UNC13C: variants seen among roughly 807,000 people sequenced by gnomAD.
The protein encoded by UNC13C is protein unc-13 homolog C.
A neutral mutation model predicts 245.4 loss-of-function variants in UNC13C; 174 were observed. The observed-to-expected ratio is 0.71, with a 90% CI of 0.63 to 0.80. The LOEUF is 0.80. UNC13C is among the 30% of genes least tolerant of loss of function. The probability of loss-of-function intolerance (pLI) is 0.00; values close to 1 mark genes in which losing one functional copy is unlikely to be tolerated. For synonymous variants in UNC13C, 992 were observed against 895.1 expected (o/e 1.11, Z -1.93); for missense variants, 2,829 against 2,602.9 (o/e 1.09, Z -1.89).
At chr15:54,563,087 A>G (rs1897363296) in intron 29 of UNC13C, among the ~76,000 whole-genome samples, 1 of 152,058 alleles carries the variant, frequency 6.6e-6, no homozygotes, top group Non-Finnish European at 1.5e-5. Flanking sequence ...TGTGGTAAAC[A>G]TGAATATTGA....
At chr15:54,261,526 GT>G (rs67805512) in intron 8 of UNC13C, among the ~76,000 whole-genome samples, 1,651 of 81,370 alleles carry the variant, frequency 0.02, 21 homozygotes, top group African/African-American at 0.15. Context: ...TTGTTTGTTT[GT>G]TTTGTTTTGT....
Position 53,978,686 on chromosome 15 carries a change from C to T in UNC13C, c.-498C>T, listed in dbSNP as rs1249161709. On this transcript the variant is annotated 5_prime_UTR_variant, in exon 1 of 33. Coordinates refer to ENST00000260323, the MANE Select transcript of UNC13C (RefSeq NM_001080534.3). ...TTGCTTCGGAGGCTACCCGGGAGTG[C>T]GATAGAATTGACAAGAAAAGAACAG... 1.3e-5 allele frequency among the ~76,000 whole-genome samples: 2 copies of T among 152,026 alleles called. No homozygotes were observed. The highest frequency in any genetic ancestry group is 2.9e-5 in the Non-Finnish European group (2 of 68,004).
chr15:54,419,427 A>C (rs1170376596), intron 19 of UNC13C, among the ~76,000 whole-genome samples: 1 of 152,294 alleles, frequency 6.6e-6, no homozygotes, highest in Non-Finnish European at 1.5e-5. Flanking sequence ...TCAATGGCTA[A>C]TAACTTCAAT....
chr15:54,065,133 C>T (rs1204383163), intron 2 of UNC13C, among the ~76,000 whole-genome samples: 1 of 152,158 alleles, frequency 6.6e-6, no homozygotes, highest in African/African-American at 2.4e-5. Flanking sequence ...AATGATCTGA[C>T]TACGCAGGAG....
chr15:53,925,305 A>G, the UNC13C span, among the ~76,000 whole-genome samples: 1 of 152,196 alleles, frequency 6.6e-6, no homozygotes, highest in African/African-American at 2.4e-5. Context: ...ATAAAATTTA[A>G]ATGCTATAGT....
At chr15:54,297,582 A>G (rs577756293) in intron 11 of UNC13C, among the ~76,000 whole-genome samples, 1 of 152,252 alleles carries the variant, frequency 6.6e-6, no homozygotes, top group African/African-American at 2.4e-5. Context: ...TCAAACTCCT[A>G]GCATTAAGTG....
intron 2 of UNC13C, among the ~76,000 whole-genome samples, chr15:54,098,243 T>G (rs1277302940): frequency 6.6e-6 from 1 of 152,158 alleles, no homozygotes; most frequent in African/African-American, 2.4e-5. Context: ...GTGGTGATGT[T>G]GGCTCACTGC....
At chr15:54,582,894 T>C (rs1303158304) in intron 30 of UNC13C, among the ~76,000 whole-genome samples, 1 of 152,156 alleles carries the variant, frequency 6.6e-6, no homozygotes, top group Non-Finnish European at 1.5e-5. Flanking sequence ...TGTTGGCCAT[T>C]TATATTACTT....
rs116213091 is a variant in UNC13C at position 54,293,658 on chromosome 15, A to G, written c.3819-237A>G. Among the ~76,000 whole-genome samples the G allele has an allele frequency of 1.9e-3, 287 of 152,220 alleles. 2 individuals are homozygous for G. The highest frequency in any genetic ancestry group is 6.6e-3 in the African/African-American group (276 of 41,582). On this transcript the variant is annotated intron_variant, in intron 10 of 32. Coordinates refer to ENST00000260323, the MANE Select transcript of UNC13C (RefSeq NM_001080534.3). ...ACCCATATTTGATTATATCTAAATC[A>G]GTTAAAGGAAATAGGATGGAATGGG...
rs75638640 is a variant in UNC13C at position 54,233,829 on chromosome 15, G to A, written c.3072-1201G>A. Among the ~76,000 whole-genome samples, 15 of 152,264 alleles carry A rather than the reference G, an allele frequency of 9.9e-5. No homozygotes were observed. The East Asian group carries it at 2.5e-3, about 25-fold the overall frequency. ...GACAGAGATGCCTAGCTATTACCGA[G>A]GGGCATGAACTGTGTTGTTCATGGT... On this transcript the variant is annotated intron_variant, in intron 4 of 32. Coordinates refer to ENST00000260323, the MANE Select transcript of UNC13C (RefSeq NM_001080534.3).
chr15:54,222,513 T>A (rs2035256367), intron 4 of UNC13C, among the ~76,000 whole-genome samples: 1 of 152,152 alleles, frequency 6.6e-6, no homozygotes, highest in Non-Finnish European at 1.5e-5. Context: ...TTTAGGTTGC[T>A]CCTAAGTCTT....
At chr15:54,232,349 C>G (rs2035576186) in intron 4 of UNC13C, among the ~76,000 whole-genome samples, 2 of 152,128 alleles carry the variant, frequency 1.3e-5, no homozygotes, top group African/African-American at 2.4e-5. Flanking sequence ...TGTCTGCTCA[C>G]TTGGGCTTGT....
In UNC13C at chr15:54,013,970, A is replaced by C; in HGVS notation, c.1067A>C (p.Lys356Thr). The C allele has an allele frequency of 6.2e-7, 1 of 1,613,820 alleles. No homozygotes were observed. Among genetic ancestry groups the C allele is most frequent in the Non-Finnish European group, 8.5e-7 (1 of 1,179,844 alleles). Residue 356 changes from lysine (K) to threonine (T), a missense_variant, in exon 2 of 33, where the codon AAA (lysine) becomes ACA (threonine). Physicochemically the swap from Lys to Thr is moderately conservative, Grantham distance 78 (BLOSUM62 -1). Transcript: ENST00000260323. ...MGFSDAPNAI[K>T]IEFAQRIGHQ... ...TTTTCAGATGCACCAAATGCTATTA[A>C]AATTGAATTTGCTCAGAGGATAGGA...
In UNC13C at chr15:54,393,160, C is replaced by G; in HGVS notation, c.4826C>G (p.Ala1609Gly). ...MVTIIDEDKTAYTPVLNQFPQ... is the reference protein window; with the variant it reads ...MVTIIDEDKTGYTPVLNQFPQ... ...ACTATTATTGATGAGGATAAAACTG[C>G]CTACACACCTGTCCTGAATCAGTAA... Residue 1609 changes from alanine to glycine, a missense_variant, in exon 18 of 33, where the codon GCC (alanine) becomes GGC (glycine). Physicochemically the swap from Ala to Gly is moderately conservative, Grantham distance 60. Coordinates refer to ENST00000260323, the MANE Select transcript of UNC13C (RefSeq NM_001080534.3). The G allele has an allele frequency of 6.3e-7, 1 of 1,597,272 alleles. No homozygotes were observed. The highest frequency in any genetic ancestry group is 8.5e-7 in the Non-Finnish European group (1 of 1,173,852).
chr15:54,536,942 A>G (rs1015861524), intron 26 of UNC13C, among the ~76,000 whole-genome samples: 1 of 152,136 alleles, frequency 6.6e-6, no homozygotes. Flanking sequence ...GCTCACTCTC[A>G]CTACTCCTAT....
chr15:54,039,872 G>T (rs766973657), intron 2 of UNC13C, among the ~76,000 whole-genome samples: 2 of 144,332 alleles, frequency 1.4e-5, no homozygotes, highest in Non-Finnish European at 3.0e-5. Context: ...CATCATCTCT[G>T]CACTGGATGC....
intron 31 of UNC13C, among the ~76,000 whole-genome samples, chr15:54,623,459 A>AT (rs1900927752): frequency 6.6e-6 from 1 of 152,170 alleles, no homozygotes; most frequent in South Asian, 2.1e-4. Context: ...AAATTTATAG[A>AT]TTTTATCTAT....
the UNC13C span, among the ~76,000 whole-genome samples, chr15:53,869,557 A>G: frequency 6.6e-6 from 1 of 152,212 alleles, no homozygotes; most frequent in South Asian, 2.1e-4. Context: ...TTAATTAGTA[A>G]TAAGTAATAG....
chr15:53,996,016 A>G (rs1000227124), intron 1 of UNC13C, among the ~76,000 whole-genome samples: 1 of 152,182 alleles, frequency 6.6e-6, no homozygotes, highest in African/African-American at 2.4e-5. Flanking sequence ...TACAACATGG[A>G]AGATATAAAT....
Sources: gnomAD v4.1 joint callset for allele counts (sites outside exome capture counted in the v4.1 genomes callset) on GRCh38, gnomAD v4.1.1 for gene constraint, MANE v1.5 for transcripts, NCBI Gene and HGNC (gene_info 2026-07-23, HGNC 2026-07-21) for gene names.